NCAPH: variants seen among roughly 807,000 people sequenced by gnomAD.
The protein encoded by NCAPH is non-SMC condensin I complex subunit H, also known as condensin complex subunit 2.
Under a neutral mutation model 85.5 loss-of-function variants are expected in NCAPH, and 38 were observed. The observed-to-expected ratio is 0.44, with a 90% CI of 0.34 to 0.58. The LOEUF is 0.58. Ranked by LOEUF, NCAPH falls within the 20% of genes least tolerant of loss-of-function variation. NCAPH has a pLI of 0.01. For missense variants in NCAPH, 789 were observed against 916.6 expected (o/e 0.86, Z 1.80); for synonymous variants, 301 against 335.1 (o/e 0.90, Z 1.11).
intron 4 of NCAPH, 27 bp downstream of exon 4, chr2:96,342,875 C>G (rs773285040): frequency 8.3e-6 from 13 of 1,558,488 alleles, no homozygotes; most frequent in Non-Finnish European, 3.5e-6. Flanking sequence ...CTTTCTCTTG[C>G]ATCTGAATTA....
chr2:96,366,561 A>G lies in NCAPH; in HGVS notation c.1881+503A>G, dbSNP rs2064701945. 3.3e-5 allele frequency among the ~76,000 whole-genome samples: 5 copies of G among 152,224 alleles called. 1 individual carries two copies. The South Asian group carries it at 1.0e-3, about 31-fold the overall frequency. On this transcript the variant is annotated intron_variant, in intron 14 of 17. Transcript: ENST00000240423. ...GGATTGAAAAGAAATTAGATTTGAT[A>G]TGAGGGACTCTATATAGTGTCCAAA...
At chr2:96,341,985 A>G (rs1343617231) in intron 2 of NCAPH, 65 bp from the exon 3 acceptor site, 1 of 1,605,482 alleles carries the variant, frequency 6.2e-7, no homozygotes, top group Non-Finnish European at 8.5e-7. Flanking sequence ...TCATGGGTCT[A>G]GGTTTTGAAA....
intron 9 of NCAPH, 143 bp from the exon 10 acceptor site, chr2:96,358,902 C>T: frequency 1.3e-6 from 1 of 763,392 alleles, no homozygotes; most frequent in East Asian, 2.8e-5. Context: ...AGGAAAAGTA[C>T]TTGAGAAGTA....
chr2:96,365,094 C>A (rs1230163496), intron 13 of NCAPH, among the ~76,000 whole-genome samples: 1 of 152,100 alleles, frequency 6.6e-6, no homozygotes, highest in Non-Finnish European at 1.5e-5. Context: ...AGCCACCCCC[C>A]ATCTTTAGAT....
intron 9 of NCAPH, among the ~76,000 whole-genome samples, chr2:96,355,798 T>A (rs1056950935): frequency 6.6e-6 from 1 of 151,960 alleles, no homozygotes; most frequent in African/African-American, 2.4e-5. Flanking sequence ...CCCGCCACCA[T>A]GCCTGACTAA....
At chr2:96,360,528 A>G in intron 11 of NCAPH, 60 bp from the exon 12 acceptor site, 1 of 1,592,752 alleles carries the variant, frequency 6.3e-7, no homozygotes, top group East Asian at 2.2e-5. Context: ...CTTTAAAAAA[A>G]GTAAGATGTT....
intron 15 of NCAPH, 36 bp downstream of exon 15, chr2:96,367,409 A>G: frequency 6.7e-7 from 1 of 1,497,652 alleles, no homozygotes. Context: ...GGTGCCCAGC[A>G]TGCGGGAGGG....
rs200594050 is a variant in NCAPH at position 96,364,467 on chromosome 2, A to G, written c.1588-14A>G. 2.6e-6 allele frequency: 4 copies of G among 1,536,340 alleles called. No individual in the cohort carries two copies. Among genetic ancestry groups the G allele is most frequent in the Non-Finnish European group, 3.6e-6 (4 of 1,114,224 alleles). ...TTTAACAAAATAGCTTTCTGCATTT[A>G]TTCTTTCCTTTAGTTACTTAAGATG... On this transcript the variant is annotated splice_polypyrimidine_tract_variant and intron_variant, in intron 12 of 17. Transcript: ENST00000240423.
At chr2:96,366,108 A>AT (rs1250911331) in intron 14 of NCAPH, 50 bp downstream of exon 14, 1 of 1,580,382 alleles carries the variant, frequency 6.3e-7, no homozygotes, top group Non-Finnish European at 8.7e-7. Flanking sequence ...AATCTATTTA[A>AT]TTGTCTCTTA....
At position 96,365,869 on chromosome 2, in the gene NCAPH, T is replaced by A. The variant is rs375340016; in HGVS notation, c.1699-7T>A. ...CCACCAAACTCGAAGAGCTGTTTCT[T>A]GCCCAGGCTGCTGACAGTGATGATG... On this transcript the variant is annotated splice_polypyrimidine_tract_variant and splice_region_variant and intron_variant, in intron 13 of 17. Coordinates refer to ENST00000240423, the MANE Select transcript of NCAPH (RefSeq NM_015341.5). 3.7e-6 allele frequency: 6 copies of A among 1,614,088 alleles called. No individual in the cohort carries two copies. In the African/African-American group the frequency reaches 8.0e-5, roughly 22 times the overall value.
At chr2:96,339,437 A>G (rs187538800) in intron 1 of NCAPH, among the ~76,000 whole-genome samples, 1 of 151,928 alleles carries the variant, frequency 6.6e-6, no homozygotes, top group Admixed American at 6.6e-5. Flanking sequence ...CTAAAAATAC[A>G]AAAAAGTAGC....
Position 96,341,818 on chromosome 2 carries a change from C to T in NCAPH, c.196C>T (p.Gln66Ter). 1 of 1,613,978 alleles carries T rather than the reference C, an allele frequency of 6.2e-7. No homozygotes were observed. Among genetic ancestry groups the T allele is most frequent in the East Asian group, 2.2e-5 (1 of 44,872 alleles). The part of the protein sequence containing the change: ...PQNDDEKERL[Q>*]RRRSRVFDLQ... ...GAATGACGATGAGAAGGAGCGGCTG[C>T]AGCGGAGGCGCTCGAGGGTCTTTGA... is the stretch of plus-strand genomic sequence containing the variant. Residue 66 changes from glutamine to a stop codon, truncating the protein, a stop_gained, in exon 2 of 18, where the codon CAG becomes TAG. Coordinates refer to ENST00000240423, the MANE Select transcript of NCAPH (RefSeq NM_015341.5). LOFTEE classifies it high-confidence loss of function.
chr2:96,364,601 G>T lies in NCAPH; in HGVS notation c.1698+10G>T. ...TTGCCCTGGATTACAGGTAAAGGGG[G>T]GAAAGGGGCTCTGTCCTCTCTTCTA... is the stretch of plus-strand genomic sequence containing the variant. On this transcript the variant is annotated intron_variant, in intron 13 of 17. Coordinates refer to ENST00000240423, the MANE Select transcript of NCAPH (RefSeq NM_015341.5). The T allele has an allele frequency of 6.4e-7, 1 of 1,565,298 alleles. No homozygotes were observed. Among genetic ancestry groups the T allele is most frequent in the Non-Finnish European group, 8.8e-7 (1 of 1,136,024 alleles).
intron 12 of NCAPH, among the ~76,000 whole-genome samples, chr2:96,361,769 C>A (rs56890651): frequency 1.7e-5 from 2 of 114,962 alleles, no homozygotes; most frequent in Admixed American, 9.9e-5. Flanking sequence ...TATATATATA[C>A]ATATATATAT....
chr2:96,358,712 C>T (rs973297154), intron 9 of NCAPH, among the ~76,000 whole-genome samples: 2 of 152,198 alleles, frequency 1.3e-5, no homozygotes, highest in African/African-American at 4.8e-5. Flanking sequence ...TTGTGATCCG[C>T]CCGCCTTGGC....
chr2:96,351,901 C>T lies in NCAPH; in HGVS notation c.791C>T (p.Thr264Ile). ...AGCACAGCAGGGGTGTTTCTGTCCA[C>T]TCTCCACTGCCAGGACTACAGAAGT... ...ECSTAGVFLS[T>I]LHCQDYRSEL... Residue 264 changes from threonine (T) to isoleucine (I), a missense_variant, in exon 7 of 18, where the codon ACT becomes ATT. Transcript: ENST00000240423. 6.2e-7 allele frequency: 1 copy of T among 1,614,154 alleles called. No individual in the cohort carries two copies. The highest frequency in any genetic ancestry group is 2.2e-5 in the East Asian group (1 of 44,882).
At chr2:96,347,109 G>A (rs1275101539) in intron 6 of NCAPH, among the ~76,000 whole-genome samples, 3 of 152,082 alleles carry the variant, frequency 2.0e-5, no homozygotes, top group Non-Finnish European at 4.4e-5. Context: ...CTCAGAGCTG[G>A]GGCATTAGAA....
In NCAPH at chr2:96,341,716, C is replaced by G. The variant is rs754320925; in HGVS notation, c.94C>G (p.Arg32Gly). ...HPHSASSPSE[R>G]VFPMPLPRKA... ...CCACAGTGCCTCCTCTCCTTCAGAGCGTGTGTTCCCGATGCCCCTGCCCAG... is the reference window on the plus strand; with the variant it reads ...CCACAGTGCCTCCTCTCCTTCAGAGGGTGTGTTCCCGATGCCCCTGCCCAG... The change falls in exon 2 of 18, where the codon CGT becomes GGT. Residue 32 changes from arginine (R) to glycine (G), a missense_variant. Transcript: ENST00000240423. The G allele has an allele frequency of 1.9e-5, 30 of 1,614,224 alleles. No individual in the cohort carries two copies. The highest frequency in any genetic ancestry group is 2.5e-5 in the Non-Finnish European group (30 of 1,180,034).
At chr2:96,366,096 G>T in intron 14 of NCAPH, 38 bp downstream of exon 14, 1 of 1,601,104 alleles carries the variant, frequency 6.2e-7, no homozygotes, top group Non-Finnish European at 8.5e-7. Context: ...TTGTTTGCCT[G>T]AAATCTATTT....
Sources: allele counts gnomAD v4.1 joint callset (sites outside exome capture counted in the v4.1 genomes callset), GRCh38; gene constraint gnomAD v4.1.1; transcripts MANE v1.5; gene names NCBI Gene and HGNC (gene_info 2026-07-23, HGNC 2026-07-21).